SYCP1: variants seen among roughly 807,000 people sequenced by gnomAD.
SYCP1 encodes the protein synaptonemal complex protein 1.
Under a neutral mutation model 153.1 loss-of-function variants are expected in SYCP1, and 64 were observed. That is an observed-to-expected ratio of 0.42 (90% CI 0.34 to 0.51). The LOEUF is 0.51. Ranked by LOEUF, SYCP1 falls within the 20% of genes least tolerant of loss-of-function variation. The pLI is 0.06. For synonymous variants in SYCP1, 384 were observed against 341.8 expected (o/e 1.12, Z -1.36); for missense variants, 997 against 1,049.0 (o/e 0.95, Z 0.68).
chr1:114,960,331 C>T (rs929042282), intron 27 of SYCP1, among the ~76,000 whole-genome samples: 1 of 151,994 alleles, frequency 6.6e-6, no homozygotes, highest in African/African-American at 2.4e-5. Context: ...TCACCCCTGG[C>T]TAATTTTTGT....
intron 16 of SYCP1, among the ~76,000 whole-genome samples, chr1:114,902,302 GT>G (rs887334312): frequency 7.9e-5 from 12 of 151,730 alleles, no homozygotes; most frequent in African/African-American, 2.7e-4. Flanking sequence ...TTTTTTTTTG[GT>G]TTGCATTTCA....
At chr1:114,928,673 T>C (rs1669421061) in intron 23 of SYCP1, among the ~76,000 whole-genome samples, 1 of 152,246 alleles carries the variant, frequency 6.6e-6, no homozygotes, top group African/African-American at 2.4e-5. Context: ...GTTTATAATC[T>C]GTGTGACTAC....
intron 20 of SYCP1, among the ~76,000 whole-genome samples, chr1:114,920,482 A>T (rs1457987949): frequency 6.6e-6 from 1 of 152,096 alleles, no homozygotes; most frequent in Non-Finnish European, 1.5e-5. Context: ...TTCTGTAAAT[A>T]TATATTAGGT....
intron 20 of SYCP1, among the ~76,000 whole-genome samples, chr1:114,921,743 T>C (rs942073732): frequency 6.6e-6 from 1 of 152,186 alleles, no homozygotes; most frequent in Non-Finnish European, 1.5e-5. Flanking sequence ...GAGTTGTGTA[T>C]CTTCAGATGA....
intron 27 of SYCP1, among the ~76,000 whole-genome samples, chr1:114,969,434 C>T (rs1398281043): frequency 1.3e-5 from 2 of 152,160 alleles, no homozygotes; most frequent in Non-Finnish European, 2.9e-5. Context: ...GCTTTGTTTA[C>T]ACTGTGAAGG....
At chr1:114,879,153 A>T (rs527438746) in intron 12 of SYCP1, among the ~76,000 whole-genome samples, 1 of 152,292 alleles carries the variant, frequency 6.6e-6, no homozygotes, top group South Asian at 2.1e-4. Context: ...TCATGTTTAG[A>T]CTGTCTTATT....
chr1:114,857,706 CAAG>C (rs2101267849), intron 5 of SYCP1, among the ~76,000 whole-genome samples: 1 of 151,998 alleles, frequency 6.6e-6, no homozygotes, highest in African/African-American at 2.4e-5. Flanking sequence ...ACCATGAAAT[CAAG>C]AAGAGGGGAA....
At chr1:114,856,710 T>C (rs564994695) in intron 3 of SYCP1, 53 bp downstream of exon 3, 15 of 1,296,424 alleles carry the variant, frequency 1.2e-5, no homozygotes, top group East Asian at 2.3e-5. Context: ...TTGTGTTACA[T>C]ACATCGATAG....
intron 21 of SYCP1, among the ~76,000 whole-genome samples, chr1:114,925,752 T>A (rs1035737159): frequency 3.3e-5 from 5 of 152,132 alleles, no homozygotes; most frequent in African/African-American, 7.2e-5. Flanking sequence ...CAAGACAATT[T>A]AAAAAATTCG....
At chr1:114,936,096 CA>C (rs1266369151) in intron 23 of SYCP1, among the ~76,000 whole-genome samples, 12 of 151,926 alleles carry the variant, frequency 7.9e-5, no homozygotes, top group Non-Finnish European at 1.8e-4. Context: ...CGAGACACAA[CA>C]AAAAAAGAGA....
At chr1:114,854,242 C>T (rs1441026139), upstream of SYCP1, among the ~76,000 whole-genome samples, 2 of 152,186 alleles carry the variant, frequency 1.3e-5, no homozygotes, top group Non-Finnish European at 2.9e-5. Context: ...CTCCAAGACT[C>T]AAGTGATCTT....
Position 114,941,911 on chromosome 1 carries a change from T to A in SYCP1, c.1927-2428T>A, listed in dbSNP as rs150638944. On this transcript the variant is annotated intron_variant, in intron 23 of 31. Coordinates refer to ENST00000369522, the MANE Select transcript of SYCP1 (RefSeq NM_003176.4). Reference sequence around the variant, plus strand: ...TACAAAATATAAATGAGTTTTGTGTTTAGACATAGGTCCTATCCTTAGGAT... The same window carrying A: ...TACAAAATATAAATGAGTTTTGTGTATAGACATAGGTCCTATCCTTAGGAT... Among the ~76,000 whole-genome samples the A allele has an allele frequency of 1.0e-3, 158 of 152,244 alleles. 2 individuals are homozygous for A. The highest frequency in any genetic ancestry group is 3.7e-3 in the African/African-American group (153 of 41,582).
intron 23 of SYCP1, among the ~76,000 whole-genome samples, chr1:114,928,305 A>C (rs1005794906): frequency 6.6e-6 from 1 of 150,670 alleles, no homozygotes; most frequent in African/African-American, 2.4e-5. Context: ...ACAGAAAAAA[A>C]TGTCACATTG....
intron 27 of SYCP1, among the ~76,000 whole-genome samples, chr1:114,954,689 T>G (rs1309457104): frequency 6.6e-6 from 1 of 152,060 alleles, no homozygotes; most frequent in Non-Finnish European, 1.5e-5. Context: ...CAAGAGATTC[T>G]CCTGCCTCAG....
intron 8 of SYCP1, among the ~76,000 whole-genome samples, chr1:114,873,884 A>G (rs1481791868): frequency 2.0e-5 from 3 of 152,130 alleles, no homozygotes; most frequent in African/African-American, 7.2e-5. Flanking sequence ...GGCATGTGGT[A>G]CTATGCTTGG....
chr1:114,901,561 G>A (rs1667449834), intron 16 of SYCP1, among the ~76,000 whole-genome samples: 1 of 152,174 alleles, frequency 6.6e-6, no homozygotes, highest in Non-Finnish European at 1.5e-5. Flanking sequence ...AGCTAGGATT[G>A]AACCTGGGGC....
At chr1:114,882,423 TA>T (rs1406635688) in intron 12 of SYCP1, among the ~76,000 whole-genome samples, 12 of 152,294 alleles carry the variant, frequency 7.9e-5, no homozygotes, top group Admixed American at 6.5e-4. Flanking sequence ...TTTTAGTTAC[TA>T]AGATGTTTAT....
intron 25 of SYCP1, 80 bp downstream of exon 25, chr1:114,945,062 A>G: frequency 9.7e-7 from 1 of 1,031,774 alleles, no homozygotes; most frequent in South Asian, 1.7e-5. Flanking sequence ...TCAAGATAGT[A>G]TTCTTATTTG....
intron 30 of SYCP1, among the ~76,000 whole-genome samples, chr1:114,992,608 G>A (rs1570933535): frequency 6.6e-6 from 1 of 151,442 alleles, no homozygotes; most frequent in South Asian, 2.1e-4. Flanking sequence ...AATTAAGTTG[G>A]ATCCTTTATA....
Sources: gnomAD v4.1 joint callset for allele counts (sites outside exome capture counted in the v4.1 genomes callset) on GRCh38, gnomAD v4.1.1 for gene constraint, MANE v1.5 for transcripts, NCBI Gene and HGNC (gene_info 2026-07-23, HGNC 2026-07-21) for gene names.